ACSS3: variants seen among roughly 807,000 people sequenced by gnomAD.
ACSS3 encodes acyl-CoA synthetase short-chain family member 3, mitochondrial.
ACSS3 carries 64 observed loss-of-function variants against 84.2 expected under a neutral mutation model. That is an observed-to-expected ratio of 0.76 (90% CI 0.62 to 0.94). The LOEUF is 0.94. Ranked by LOEUF, ACSS3 falls within the 40% of genes least tolerant of loss-of-function variation. The pLI, the probability that ACSS3 is intolerant of heterozygous loss-of-function variation, is 0.00. For synonymous variants in ACSS3, 317 were observed against 310.1 expected, an observed-to-expected ratio of 1.02 and a Z score of -0.23; for missense variants, 815 against 867.6, an observed-to-expected ratio of 0.94 and a Z score of 0.76.
chr12:81,190,858 C>T (rs1215468032), intron 8 of ACSS3, among the ~76,000 whole-genome samples: 1 of 151,958 alleles, frequency 6.6e-6, no homozygotes, highest in African/African-American at 2.4e-5. Flanking sequence ...TTTTCCCCCT[C>T]TTATTGTATT....
At chr12:81,208,072 T>A (rs1353417704) in intron 9 of ACSS3, among the ~76,000 whole-genome samples, 1 of 152,192 alleles carries the variant, frequency 6.6e-6, no homozygotes, top group Non-Finnish European at 1.5e-5. Context: ...TCTCACTGTT[T>A]CTGCTTTCTT....
chr12:81,080,506 G>GAAGT (rs1880901855), intron 1 of ACSS3, among the ~76,000 whole-genome samples: 1 of 151,970 alleles, frequency 6.6e-6, no homozygotes, highest in Admixed American at 6.6e-5. Context: ...TCAAAGTGAA[G>GAAGT]AAGTGATAAA....
At chr12:81,213,953 C>CTTTCTT (rs2032780451) in intron 9 of ACSS3, among the ~76,000 whole-genome samples, 1 of 18,604 alleles carries the variant, frequency 5.4e-5, no homozygotes, top group Non-Finnish European at 1.3e-4. Flanking sequence ...CTCTCTCCCT[C>CTTTCTT]TCTCTCTTTC....
intron 13 of ACSS3, among the ~76,000 whole-genome samples, chr12:81,246,867 G>T (rs2034000183): frequency 6.6e-6 from 1 of 152,064 alleles, no homozygotes. Flanking sequence ...GAAATAATCT[G>T]TACAACAGAC....
chr12:81,136,338 T>A (rs1195692484), intron 3 of ACSS3, among the ~76,000 whole-genome samples: 1 of 152,168 alleles, frequency 6.6e-6, no homozygotes, highest in Non-Finnish European at 1.5e-5. Flanking sequence ...TCGCACCTAC[T>A]CAGCTTTGCT....
rs569647025 is a variant in ACSS3 at position 81,240,464 on chromosome 12, C to T, written c.1719+6993C>T. Among the ~76,000 whole-genome samples the T allele has an allele frequency of 3.3e-5, 5 of 152,040 alleles. No homozygotes were observed. In the East Asian group the frequency reaches 7.8e-4, roughly 24 times the overall value. ...TTTAAAATGGGTTTCTTTCAGAAAA[C>T]ATATAATTGAGTCTTGTTTTTGATC... On this transcript the variant is annotated intron_variant, in intron 13 of 15. Transcript: ENST00000548058.
intron 1 of ACSS3, among the ~76,000 whole-genome samples, chr12:81,084,703 A>C (rs764262131): frequency 5.9e-5 from 9 of 152,138 alleles, no homozygotes; most frequent in East Asian, 1.9e-4. Flanking sequence ...TGAGACATTC[A>C]AAGAAAGAGG....
At chr12:81,227,817 C>G (rs528564045) in intron 11 of ACSS3, among the ~76,000 whole-genome samples, 1 of 151,748 alleles carries the variant, frequency 6.6e-6, no homozygotes, top group African/African-American at 2.4e-5. Context: ...TTGAATGATA[C>G]CATCACCTGC....
At position 81,209,388 on chromosome 12, in the gene ACSS3, TAAAA is replaced by T. The variant is rs5799519; in HGVS notation, c.1355-7499_1355-7496del. Among the ~76,000 whole-genome samples the T allele has an allele frequency of 5.7e-3, 832 of 145,850 alleles. 4 individuals carry two copies. Among genetic ancestry groups the T allele is most frequent in the East Asian group, 0.011 (53 of 4,988 alleles). ...AATGTTCCTAGTATTTATTGCTATG[TAAAA>T]AAAAAAAAAAAAATTACTCCAGAAC... On this transcript the variant is annotated intron_variant, in intron 9 of 15. Transcript: ENST00000548058.
At chr12:81,203,691 T>C (rs1452556054) in intron 9 of ACSS3, among the ~76,000 whole-genome samples, 2 of 152,158 alleles carry the variant, frequency 1.3e-5, no homozygotes, top group African/African-American at 2.4e-5. Context: ...TGCTTTGGAG[T>C]ATAATAATGT....
At chr12:81,096,252 A>T (rs1161466431) in intron 1 of ACSS3, among the ~76,000 whole-genome samples, 2 of 152,184 alleles carry the variant, frequency 1.3e-5, no homozygotes, top group Non-Finnish European at 2.9e-5. Context: ...TCAGGAGAGA[A>T]TTTGTAAGGA....
At chr12:81,163,036 C>A (rs1887231976) in intron 7 of ACSS3, among the ~76,000 whole-genome samples, 1 of 151,784 alleles carries the variant, frequency 6.6e-6, no homozygotes, top group Admixed American at 6.6e-5. Flanking sequence ...AGCTGCGGCC[C>A]AGAGGACTGG....
intron 8 of ACSS3, among the ~76,000 whole-genome samples, chr12:81,184,875 A>C (rs1260439328): frequency 1.3e-5 from 2 of 151,742 alleles, no homozygotes; most frequent in Non-Finnish European, 3.0e-5. Context: ...GTACTTCCAG[A>C]CACATTTTAT....
chr12:81,231,000 C>A (rs1477759808), intron 11 of ACSS3, 57 bp from the exon 12 acceptor site: 2 of 1,301,512 alleles, frequency 1.5e-6, no homozygotes, highest in East Asian at 2.3e-5. Context: ...TAGTTCTAAT[C>A]AACCTGTCTT....
chr12:81,151,085 C>G (rs1886589900), intron 5 of ACSS3, among the ~76,000 whole-genome samples: 1 of 151,978 alleles, frequency 6.6e-6, no homozygotes, highest in Admixed American at 6.6e-5. Flanking sequence ...TCCATTAGTT[C>G]TTATTTATGG....
At chr12:81,187,117 A>G (rs912839547) in intron 8 of ACSS3, among the ~76,000 whole-genome samples, 3 of 150,946 alleles carry the variant, frequency 2.0e-5, no homozygotes, top group African/African-American at 4.9e-5. Flanking sequence ...AAAATATTAC[A>G]TCATCTCATT....
intron 2 of ACSS3, among the ~76,000 whole-genome samples, chr12:81,120,413 A>C (rs1884482127): frequency 6.6e-6 from 1 of 152,212 alleles, no homozygotes; most frequent in South Asian, 2.1e-4. Context: ...AGACAGCTGA[A>C]TGCATCAACA....
In ACSS3 at chr12:81,260,332, G is replaced by A. The variant is rs1491002357; in HGVS notation, c.*5410G>A. 1.3e-5 allele frequency: 2 copies of A among 152,120 alleles called. No homozygotes were observed. The highest frequency in any genetic ancestry group is 2.9e-5 in the Non-Finnish European group (2 of 68,008). 9.4% of individuals were successfully genotyped at this position (152,120 alleles called of 1,614,324 possible). A position where few individuals can be genotyped will look rare whatever the true frequency, so the allele number is the denominator to read the frequency against. On this transcript the variant is annotated 3_prime_UTR_variant, in exon 16 of 16. Coordinates refer to ENST00000548058, the MANE Select transcript of ACSS3 (RefSeq NM_024560.4). ...AAAACTAGGAAATATGAACTAGAATGTCATGCACAAAAAACAGATTGCAAA... is the reference window on the plus strand; with the variant it reads ...AAAACTAGGAAATATGAACTAGAATATCATGCACAAAAAACAGATTGCAAA...
intron 2 of ACSS3, among the ~76,000 whole-genome samples, chr12:81,129,947 A>T (rs565180496): frequency 1.1e-4 from 16 of 152,224 alleles, no homozygotes; most frequent in Non-Finnish European, 1.9e-4. Flanking sequence ...CCTACAAAGG[A>T]CATGAACTCA....
Sources: allele counts gnomAD v4.1 joint callset (sites outside exome capture counted in the v4.1 genomes callset), GRCh38; gene constraint gnomAD v4.1.1; transcripts MANE v1.5; gene names NCBI Gene and HGNC (gene_info 2026-07-23, HGNC 2026-07-21).